CIZ1: variants seen among roughly 807,000 people sequenced by gnomAD.
CIZ1 encodes CDKN1A interacting zinc finger protein 1, also known as cip1-interacting zinc finger protein.
A neutral mutation model predicts 118.6 loss-of-function variants in CIZ1; 58 were observed. The observed-to-expected ratio is 0.49, with a 90% CI of 0.40 to 0.61. The LOEUF (loss-of-function observed/expected upper bound fraction) is 0.61. Ranked by LOEUF, CIZ1 falls within the 20% of genes least tolerant of loss-of-function variation. CIZ1 has a pLI of 0.00. For missense variants in CIZ1, 921 were observed against 1,115.9 expected, an observed-to-expected ratio of 0.83 and a Z score of 2.49; for synonymous variants, 448 against 443.4, an observed-to-expected ratio of 1.01 and a Z score of -0.13.
At chr9:128,176,223 A>C (rs1208114246) in intron 11 of CIZ1, 128 bp downstream of exon 11, 3 of 1,141,024 alleles carry the variant, frequency 2.6e-6, no homozygotes, top group South Asian at 2.9e-5. Context: ...CACAGTTAAC[A>C]GTGTGAGGAG....
At chr9:128,169,560 A>G (rs1588119129) in intron 12 of CIZ1, 41 bp from the exon 13 acceptor site, 1 of 1,608,320 alleles carries the variant, frequency 6.2e-7, no homozygotes, top group Admixed American at 1.7e-5. Context: ...CCCCAGCTGC[A>G]AGCCCCCTGA....
In CIZ1 at chr9:128,169,100, A is replaced by ATCCTCT. The variant is rs1180244893; in HGVS notation, c.2241_2246dup (p.Glu747_Glu748dup). On this transcript the variant is annotated inframe_insertion, in exon 14 of 17. Coordinates refer to ENST00000372938, the MANE Select transcript of CIZ1 (RefSeq NM_001131016.2). ...CCTCGATCTCTTCTTCATCCTCATC[A>ATCCTCT]TCCTCTTCCTCTTCTTCATCACCCT... The ATCCTCT allele has an allele frequency of 3.1e-6, 5 of 1,613,690 alleles. No individual in the cohort carries two copies. The African/African-American group carries it at 5.3e-5, about 17-fold the overall frequency.
chr9:128,173,740 C>T (rs1588143204), intron 11 of CIZ1, among the ~76,000 whole-genome samples: 1 of 152,094 alleles, frequency 6.6e-6, no homozygotes, highest in South Asian at 2.1e-4. Context: ...GGCATGGTGG[C>T]TTGCACCTGT....
chr9:128,169,412 G>A lies in CIZ1; in HGVS notation c.2139C>T (p.Ala713=), dbSNP rs984376900. The A allele has an allele frequency of 1.7e-5, 27 of 1,613,604 alleles. No individual in the cohort carries two copies. Among genetic ancestry groups the A allele is most frequent in the Non-Finnish European group, 2.0e-5 (24 of 1,179,610 alleles). ...CTGAGGGAGCTCAGGTTACCTCCTTGGCTTTGTCCTTATGCCCCTGGGACT... is the reference window on the plus strand; with the variant it reads ...CTGAGGGAGCTCAGGTTACCTCCTTAGCTTTGTCCTTATGCCCCTGGGACT... The part of the protein sequence containing the change: ...HVKSQGHKDK[A]KELKSLEKEI... Residue 713 remains alanine, a synonymous_variant, in exon 13 of 17, where the codon GCC becomes GCT. Coordinates refer to ENST00000372938, the MANE Select transcript of CIZ1 (RefSeq NM_001131016.2).
In CIZ1 at chr9:128,191,281, G is replaced by T; in HGVS notation, c.-6+151C>A. 4.5e-6 allele frequency: 1 copy of T among 222,450 alleles called. No homozygotes were observed. The highest frequency in any genetic ancestry group is 8.2e-6 in the Non-Finnish European group (1 of 121,446). 13.8% of individuals were successfully genotyped at this position (222,450 alleles called of 1,614,324 possible). ...TCGGCACCCGTCCAACCCGGTCACC[G>T]TGGTCCTGAGCTCCGTGGGACGGCT... On this transcript the variant is annotated intron_variant, in intron 1 of 16. Coordinates refer to ENST00000372938, the MANE Select transcript of CIZ1 (RefSeq NM_001131016.2). The surrounding 1 kb of genome is among the most constrained non-coding windows in gnomAD (Gnocchi z 5.5).
At position 128,191,362 on chromosome 9, in the gene CIZ1, G is replaced by T; in HGVS notation, c.-6+70C>A. ...CACTCCGCCCGCTCCCACCCCGCCA[G>T]CCGCCTCCTCCGCAGACACAGCCAG... On this transcript the variant is annotated intron_variant, in intron 1 of 16. Coordinates refer to ENST00000372938, the MANE Select transcript of CIZ1 (RefSeq NM_001131016.2). This position sits in a 1 kb window ranked among gnomAD's most constrained non-coding sequence, Gnocchi z 5.5. 1.8e-6 allele frequency: 1 copy of T among 565,774 alleles called. No homozygotes were observed. Among genetic ancestry groups the T allele is most frequent in the Non-Finnish European group, 2.3e-6 (1 of 443,282 alleles). The allele number at this position is 565,774 out of a possible 1,614,324, so 35.0% of individuals were successfully genotyped here.
At chr9:128,200,259 T>C (rs957849279) in intron 1 of CIZ1, 3 of 152,140 alleles carry the variant, frequency 2.0e-5, no homozygotes, top group Admixed American at 2.0e-4. Flanking sequence ...CCCTAAGCTA[T>C]AGTGGTTATC....
intron 3 of CIZ1, among the ~76,000 whole-genome samples, 164 bp downstream of exon 3, chr9:128,190,165 T>G (rs999593096): frequency 6.6e-6 from 1 of 152,202 alleles, no homozygotes; most frequent in Non-Finnish European, 1.5e-5. Flanking sequence ...AATTAGCAGC[T>G]TAGGGACTTT....
At position 128,168,980 on chromosome 9, in the gene CIZ1, G is replaced by A. The variant is rs1338081222; in HGVS notation, c.2295+72C>T. The A allele has an allele frequency of 2.5e-6, 4 of 1,597,526 alleles. No homozygotes were observed. The Admixed American group carries it at 5.1e-5, about 20-fold the overall frequency. The stretch of plus-strand genomic sequence containing the variant: ...TGCCAGCCCAGTGTCTGGCCTCCGG[G>A]AGGTGGGATGAGGTCTGTCCTGGGC... On this transcript the variant is annotated intron_variant, in intron 14 of 16. Coordinates refer to ENST00000372938, the MANE Select transcript of CIZ1 (RefSeq NM_001131016.2).
rs765213024 is a variant in CIZ1 at position 128,178,719 on chromosome 9, T to C, written c.1488A>G (p.Glu496=). The C allele has an allele frequency of 1.5e-5, 24 of 1,613,008 alleles. No individual in the cohort carries two copies. The South Asian group carries it at 2.5e-4, about 17-fold the overall frequency. The change falls in exon 8 of 17, where the codon GAA becomes GAG. Residue 496 remains glutamate (E), a synonymous_variant. Coordinates refer to ENST00000372938, the MANE Select transcript of CIZ1 (RefSeq NM_001131016.2). ...CCAGTGCTCACTTACCTCCACCAGC[T>C]TCTACTGCATCAGGTGGCATCTCCA... The part of the protein sequence containing the change: ...CGLEMPPDAV[E]AGGGMEKTLP...
chr9:128,166,300 C>T lies in CIZ1; in HGVS notation c.2594G>A (p.Arg865His), dbSNP rs369660377. The change falls in exon 17 of 17, where the codon CGC becomes CAC. Residue 865 changes from arginine to histidine, a missense_variant. Physicochemically the swap from Arg to His is conservative, Grantham distance 29. Coordinates refer to ENST00000372938, the MANE Select transcript of CIZ1 (RefSeq NM_001131016.2). This position sits in a 1 kb window ranked among gnomAD's most constrained non-coding sequence, Gnocchi z 4.4. ...CTGGGTGTTGGGCTGGGAGGGTGGG[C>T]GGCCGCTGGAGGTGAACAGGGCTGT... ...ALTALFTSSG[R>H]PPSQPNTQDK... The T allele has an allele frequency of 1.7e-4, 263 of 1,564,702 alleles. No homozygotes were observed. Among genetic ancestry groups the T allele is most frequent in the Non-Finnish European group, 2.1e-4 (247 of 1,153,604 alleles).
chr9:128,183,928 C>T (rs1832022410), intron 5 of CIZ1, among the ~76,000 whole-genome samples: 1 of 152,114 alleles, frequency 6.6e-6, no homozygotes, highest in South Asian at 2.1e-4. Flanking sequence ...CACTAGGGCC[C>T]AGCTAATTTT....
At chr9:128,193,160 GA>G (rs1464550940), upstream of CIZ1, among the ~76,000 whole-genome samples, 1 of 152,206 alleles carries the variant, frequency 6.6e-6, no homozygotes, top group East Asian at 1.9e-4. Flanking sequence ...TTAGAGGCGC[GA>G]AAGTGACTCA....
chr9:128,175,267 A>C (rs1441170005), intron 11 of CIZ1, among the ~76,000 whole-genome samples: 1 of 152,158 alleles, frequency 6.6e-6, no homozygotes, highest in Non-Finnish European at 1.5e-5. Context: ...TCATCTAACC[A>C]GTCCCCTACT....
chr9:128,188,877 C>A (rs763817299), intron 3 of CIZ1, among the ~76,000 whole-genome samples: 4 of 151,846 alleles, frequency 2.6e-5, no homozygotes, highest in African/African-American at 7.3e-5. Flanking sequence ...CAGCTCACTG[C>A]GACCTCCACC....
chr9:128,173,137 T>C (rs1011961030), intron 11 of CIZ1, among the ~76,000 whole-genome samples: 1,075 of 106,232 alleles, frequency 0.01, 16 homozygotes, highest in African/African-American at 0.049. Flanking sequence ...GCTAATTTCT[T>C]TTTTTTTTTT....
At chr9:128,176,900 A>C (rs1217656162) in intron 10 of CIZ1, among the ~76,000 whole-genome samples, 1 of 152,162 alleles carries the variant, frequency 6.6e-6, no homozygotes, top group Non-Finnish European at 1.5e-5. Flanking sequence ...GGTGGATTCT[A>C]AACGTTTCTT....
upstream of CIZ1, among the ~76,000 whole-genome samples, chr9:128,193,219 GC>G: frequency 1.3e-5 from 2 of 152,200 alleles, no homozygotes. Context: ...GGACGTCGGC[GC>G]CTATGGGTGA....
At position 128,166,738 on chromosome 9, in the gene CIZ1, A is replaced by C; in HGVS notation, c.2487+21T>G. ...ACTAAGTCTGTGGCCAGGGGAGGAC[A>C]GGGCAGGATGTCCGGCTCACCTGCA... On this transcript the variant is annotated intron_variant, in intron 16 of 16. Coordinates refer to ENST00000372938, the MANE Select transcript of CIZ1 (RefSeq NM_001131016.2). This position sits in a 1 kb window ranked among gnomAD's most constrained non-coding sequence, Gnocchi z 4.4. The C allele has an allele frequency of 6.2e-7, 1 of 1,614,120 alleles. No individual in the cohort carries two copies. The highest frequency in any genetic ancestry group is 1.1e-5 in the South Asian group (1 of 91,062).
Sources: gnomAD v4.1 joint callset for allele counts (sites outside exome capture counted in the v4.1 genomes callset) on GRCh38, gnomAD v4.1.1 for gene constraint, Gnocchi (gnomAD v3.1) non-coding constraint, MANE v1.5 for transcripts, NCBI Gene and HGNC (gene_info 2026-07-23, HGNC 2026-07-21) for gene names.